Variants in SLC7A14 observed in about 807,000 individuals in gnomAD.
SLC7A14 encodes the protein solute carrier family 7 member 14, also known as gamma-aminobutyric acid transporter SLC7A14.
In SLC7A14, 37 loss-of-function variants were observed where a neutral mutation model predicts 60.2. The observed-to-expected ratio is 0.61, with a 90% confidence interval of 0.47 to 0.81. The LOEUF (loss-of-function observed/expected upper bound fraction) is 0.81, where lower values mean the gene tolerates loss of function less well. Among genes scored for constraint, SLC7A14 ranks in the 30% least tolerant of loss-of-function variants. The pLI is 0.00. For synonymous variants in SLC7A14, 399 were observed against 395.8 expected (o/e 1.01, Z -0.10); for missense variants, 886 against 982.7 (o/e 0.90, Z 1.32).
chr3:170,567,517 T>G (rs1468139895), intron 1 of SLC7A14, among the ~76,000 whole-genome samples: 4 of 151,932 alleles, frequency 2.6e-5, no homozygotes, highest in Non-Finnish European at 5.9e-5. Flanking sequence ...CCTTTGGGTA[T>G]ATACCCAGTA....
chr3:170,471,133 G>A (rs574531898), intron 7 of SLC7A14, among the ~76,000 whole-genome samples: 18 of 151,988 alleles, frequency 1.2e-4, no homozygotes, highest in Non-Finnish European at 2.4e-4. Flanking sequence ...GTGATTATGT[G>A]CATTGCACAC....
chr3:170,557,366 G>A (rs1274646185), intron 1 of SLC7A14, among the ~76,000 whole-genome samples: 2 of 152,038 alleles, frequency 1.3e-5, no homozygotes, highest in Non-Finnish European at 2.9e-5. Context: ...GTGGGAAATC[G>A]GAGTTGTCCA....
At chr3:170,492,622 T>C (rs1390181532) in intron 4 of SLC7A14, among the ~76,000 whole-genome samples, 1 of 152,148 alleles carries the variant, frequency 6.6e-6, no homozygotes, top group Non-Finnish European at 1.5e-5. Context: ...TAGAATGGCA[T>C]TGTGGGAAAG....
intron 7 of SLC7A14, among the ~76,000 whole-genome samples, chr3:170,478,182 A>G (rs1458777626): frequency 6.6e-6 from 1 of 151,884 alleles, no homozygotes; most frequent in Non-Finnish European, 1.5e-5. Context: ...GGTTCAAGCA[A>G]TTTTCCTGTC....
chr3:170,552,969 T>C (rs1186250015), intron 1 of SLC7A14, among the ~76,000 whole-genome samples: 3 of 152,342 alleles, frequency 2.0e-5, no homozygotes, highest in Middle Eastern at 3.4e-3. Flanking sequence ...CTACCAGGTA[T>C]ACCTACAGCT....
chr3:170,496,178 C>A, intron 4 of SLC7A14: 1 of 906,960 alleles, frequency 1.1e-6, no homozygotes, highest in Non-Finnish European at 1.9e-6. Flanking sequence ...TGTCCATGGA[C>A]AACAGCCTCT....
At chr3:170,582,184 T>C (rs1216692819) in intron 1 of SLC7A14, among the ~76,000 whole-genome samples, 1 of 152,174 alleles carries the variant, frequency 6.6e-6, no homozygotes, top group African/African-American at 2.4e-5. Flanking sequence ...TAGGCATAAG[T>C]GGCTTTTTCT....
At chr3:170,504,311 T>G (rs1205134589) in intron 2 of SLC7A14, among the ~76,000 whole-genome samples, 1 of 152,154 alleles carries the variant, frequency 6.6e-6, no homozygotes, top group Admixed American at 6.5e-5. Context: ...AATTTTATTT[T>G]ATTTTTTTAA....
At chr3:170,575,736 A>G (rs983796659) in intron 1 of SLC7A14, among the ~76,000 whole-genome samples, 4 of 152,198 alleles carry the variant, frequency 2.6e-5, no homozygotes, top group Non-Finnish European at 5.9e-5. Flanking sequence ...AAGTCACTCA[A>G]TATCTCTGGG....
chr3:170,507,425 C>A (rs750323175), intron 2 of SLC7A14, among the ~76,000 whole-genome samples: 1 of 152,082 alleles, frequency 6.6e-6, no homozygotes, highest in Non-Finnish European at 1.5e-5. Flanking sequence ...GTGCGGTGAG[C>A]GTGGTTCTTA....
In SLC7A14 at chr3:170,585,873, A is replaced by AG; in HGVS notation, c.-153+37dup. On this transcript the variant is annotated intron_variant, in intron 1 of 7. Coordinates refer to ENST00000231706, the MANE Select transcript of SLC7A14 (RefSeq NM_020949.3). The surrounding 1 kb of genome is among the most constrained non-coding windows in gnomAD (Gnocchi z 5.1). ...TCCCGCTGGGGCGCGGGGGGCGCGG[A>AG]GGGGGACAAACGGCAGCGAAGGGGG... 6.6e-6 allele frequency: 1 copy of AG among 152,066 alleles called. No individual in the cohort carries two copies. The allele number at this position is 152,066 out of a possible 1,614,324, so 9.4% of individuals were successfully genotyped here. A position where few individuals can be genotyped will look rare whatever the true frequency, so the allele number is the denominator to read the frequency against.
chr3:170,484,114 C>A (rs1470893931), intron 5 of SLC7A14, among the ~76,000 whole-genome samples: 1 of 152,188 alleles, frequency 6.6e-6, no homozygotes, highest in Non-Finnish European at 1.5e-5. Flanking sequence ...AGGATCCAGG[C>A]AGGCCAACAG....
intron 1 of SLC7A14, among the ~76,000 whole-genome samples, chr3:170,545,344 T>C (rs1714147454): frequency 6.6e-6 from 1 of 152,200 alleles, no homozygotes; most frequent in Non-Finnish European, 1.5e-5. Context: ...CTTTCCAAAT[T>C]GGATCTGAAA....
chr3:170,577,304 C>T (rs1398051285), intron 1 of SLC7A14, among the ~76,000 whole-genome samples: 1 of 152,202 alleles, frequency 6.6e-6, no homozygotes, highest in East Asian at 1.9e-4. Context: ...GGCCATCCCG[C>T]TCCCCACAGA....
At chr3:170,488,946 T>C (rs1234661726) in intron 4 of SLC7A14, among the ~76,000 whole-genome samples, 2 of 152,086 alleles carry the variant, frequency 1.3e-5, no homozygotes, top group East Asian at 3.9e-4. Context: ...CTTTTTGTAC[T>C]TTGTTTTCAT....
intron 2 of SLC7A14, among the ~76,000 whole-genome samples, chr3:170,515,177 G>C (rs1214976096): frequency 1.3e-5 from 2 of 151,932 alleles, no homozygotes; most frequent in Non-Finnish European, 2.9e-5. Flanking sequence ...TCCCTGCAGG[G>C]TGGTATGTGC....
intron 1 of SLC7A14, among the ~76,000 whole-genome samples, chr3:170,543,751 CTTT>C (rs1177925466): frequency 5.9e-5 from 8 of 136,732 alleles, no homozygotes; most frequent in Admixed American, 1.5e-4. Flanking sequence ...TTCTTTCTTT[CTTT>C]TTTTTTTTTT....
intron 1 of SLC7A14, among the ~76,000 whole-genome samples, chr3:170,527,851 C>T (rs1560270105): frequency 1.3e-5 from 2 of 152,164 alleles, no homozygotes; most frequent in African/African-American, 4.8e-5. Context: ...TCAACTCACT[C>T]TCTTTTACAT....
intron 1 of SLC7A14, among the ~76,000 whole-genome samples, chr3:170,580,750 G>A (rs2108319494): frequency 6.6e-6 from 1 of 152,302 alleles, no homozygotes; most frequent in East Asian, 1.9e-4. Flanking sequence ...GTTAATGAAT[G>A]AATGAATAAA....
Sources: allele counts gnomAD v4.1 joint callset (sites outside exome capture counted in the v4.1 genomes callset), GRCh38; gene constraint gnomAD v4.1.1; non-coding constraint Gnocchi (gnomAD v3.1); transcripts MANE v1.5; gene names NCBI Gene and HGNC (gene_info 2026-07-23, HGNC 2026-07-21).